Variants in BAHCC1 observed in about 807,000 individuals in gnomAD.
BAHCC1 encodes the protein BAH and coiled-coil domain-containing protein 1.
BAHCC1 carries 43 observed loss-of-function variants against 88.2 expected under a neutral mutation model. The observed-to-expected ratio is 0.49, with a 90% CI of 0.38 to 0.63. BAHCC1 has a LOEUF of 0.63. Ranked by LOEUF, BAHCC1 falls within the 20% of genes least tolerant of loss-of-function variation. The pLI is 0.00. For synonymous variants in BAHCC1, 1,510 were observed against 745.5 expected (o/e 2.03, Z -16.71); for missense variants, 3,023 against 1,654.8 (o/e 1.83, Z -14.34).
intron 2 of BAHCC1, among the ~76,000 whole-genome samples, chr17:81,421,253 C>A (rs572384444): frequency 2.0e-5 from 3 of 152,222 alleles, no homozygotes; most frequent in Admixed American, 1.3e-4. Context: ...TTGGCCCACA[C>A]GGTCTGGCCC....
At chr17:81,424,028 C>T (rs557660267) in intron 2 of BAHCC1, among the ~76,000 whole-genome samples, 151 of 152,328 alleles carry the variant, frequency 9.9e-4, no homozygotes, top group African/African-American at 3.5e-3. Flanking sequence ...CCAGCCCAGT[C>T]GGGGCCCAGC....
In BAHCC1 at chr17:81,461,000, A is replaced by G. The variant is rs1555659066; in HGVS notation, c.6337A>G (p.Ser2113Gly). 3 of 773,356 alleles carry G rather than the reference A, an allele frequency of 3.9e-6. No individual in the cohort carries two copies. The East Asian group carries it at 7.3e-5, about 19-fold the overall frequency. 47.9% of individuals were successfully genotyped at this position (773,356 alleles called of 1,614,324 possible). A position where few individuals can be genotyped will look rare whatever the true frequency, so the allele number is the denominator to read the frequency against. Residue 2113 changes from serine to glycine, a missense_variant, in exon 26 of 28, where the codon AGC (serine) becomes GGC (glycine). Ser to Gly is a moderately conservative substitution (Grantham distance 56). Coordinates refer to ENST00000675386, the MANE Select transcript of BAHCC1 (RefSeq NM_001377448.1). ...CAAGCGGAAGGCGGTGGCAGCGGCC[A>G]GCAAGGGGCCGGGGGTGCTGCAGAA... ...QTKRKAVAAA[S>G]KGPGVLQNLF...
In BAHCC1 at chr17:81,426,794, C is replaced by G. The variant is rs991744309; in HGVS notation, c.179-6C>G. On this transcript the variant is annotated splice_region_variant and splice_polypyrimidine_tract_variant and intron_variant, in intron 2 of 27. Coordinates refer to ENST00000675386, the MANE Select transcript of BAHCC1 (RefSeq NM_001377448.1). The stretch of plus-strand genomic sequence containing the variant: ...CCCCAGAGTCACTCTTGCCCTGTGT[C>G]CACAGCCAGCAGCCGCCTGATGGGA... 2 of 398,666 alleles carry G rather than the reference C, an allele frequency of 5.0e-6. No individual in the cohort carries two copies. The highest frequency in any genetic ancestry group is 4.1e-5 in the African/African-American group (2 of 48,532). 24.7% of individuals were successfully genotyped at this position (398,666 alleles called of 1,614,324 possible). A position where few individuals can be genotyped will look rare whatever the true frequency, so the allele number is the denominator to read the frequency against.
rs1254099931 is a variant in BAHCC1 at position 81,465,900 on chromosome 17, C to CTT, written c.*2084_*2085dup. On this transcript the variant is annotated 3_prime_UTR_variant, in exon 28 of 28. Coordinates refer to ENST00000675386, the MANE Select transcript of BAHCC1 (RefSeq NM_001377448.1). ...GGGGAGGTGGTTGGACGAGGTCCTG[C>CTT]TTGAGGCTCGGGGATCAGAACGATG... is the stretch of plus-strand genomic sequence containing the variant. The CTT allele has an allele frequency of 6.6e-6, 1 of 152,592 alleles. No individual in the cohort carries two copies. Among genetic ancestry groups the CTT allele is most frequent in the Non-Finnish European group, 1.5e-5 (1 of 68,062 alleles). 9.5% of individuals were successfully genotyped at this position (152,592 alleles called of 1,614,324 possible).
At chr17:81,432,000 G>A (rs909573089) in intron 3 of BAHCC1, among the ~76,000 whole-genome samples, 1 of 152,198 alleles carries the variant, frequency 6.6e-6, no homozygotes, top group African/African-American at 2.4e-5. Flanking sequence ...TATGTGCAGG[G>A]CAGGTGGGCA....
intron 2 of BAHCC1, among the ~76,000 whole-genome samples, chr17:81,424,408 C>T (rs1568006660): frequency 6.6e-6 from 1 of 152,208 alleles, no homozygotes; most frequent in Non-Finnish European, 1.5e-5. Context: ...CTGGGAGAGT[C>T]AGGGTGCTCT....
Position 81,452,100 on chromosome 17 carries a change from G to T in BAHCC1, c.4309G>T (p.Asp1437Tyr). 1.6e-6 allele frequency: 1 copy of T among 632,314 alleles called. No homozygotes were observed. The highest frequency in any genetic ancestry group is 2.8e-6 in the Non-Finnish European group (1 of 357,826). The allele number at this position is 632,314 out of a possible 1,614,324, so 39.2% of individuals were successfully genotyped here. Residue 1437 changes from aspartate (D) to tyrosine (Y), a missense_variant, in exon 13 of 28, where the codon GAC (aspartate) becomes TAC (tyrosine). Transcript: ENST00000675386. ...RELARLQRKHDHERDESSRSP... is the reference protein window; with the variant it reads ...RELARLQRKHYHERDESSRSP... ...GCTGGCCCGCCTGCAGCGCAAGCAC[G>T]ACCATGAGTACGCCTGGCGTGGCGG... is the stretch of plus-strand genomic sequence containing the variant.
Position 81,432,210 on chromosome 17 carries a change from G to A in BAHCC1, c.358+5231G>A, listed in dbSNP as rs907261269. On this transcript the variant is annotated intron_variant, in intron 3 of 27. Transcript: ENST00000675386. ...GCCTTGGTCACTGGGGATGGGGTGCGGCCTTCCTAGGCTGACATCCCTGGA... is the reference window on the plus strand; with the variant it reads ...GCCTTGGTCACTGGGGATGGGGTGCAGCCTTCCTAGGCTGACATCCCTGGA... Among the ~76,000 whole-genome samples, 1,208 of 152,232 alleles carry A rather than the reference G, an allele frequency of 7.9e-3. 5 individuals are homozygous for A. Among genetic ancestry groups the A allele is most frequent in the Non-Finnish European group, 0.012 (832 of 67,984 alleles).
rs782040571 is a variant in BAHCC1 at position 81,460,752 on chromosome 17, C to G, written c.6202+46C>G. On this transcript the variant is annotated intron_variant, in intron 25 of 27. Coordinates refer to ENST00000675386, the MANE Select transcript of BAHCC1 (RefSeq NM_001377448.1). ...GAATCCGGATCGGGGAAGGCACCCT[C>G]TGGGGGCTGGGGGAACCAGGAGGCC... is the stretch of plus-strand genomic sequence containing the variant. 2.4e-5 allele frequency: 19 copies of G among 776,230 alleles called. No homozygotes were observed. The East Asian group carries it at 4.6e-4, about 19-fold the overall frequency. The allele number at this position is 776,230 out of a possible 1,614,324, so 48.1% of individuals were successfully genotyped here. A position where few individuals can be genotyped will look rare whatever the true frequency, so the allele number is the denominator to read the frequency against.
chr17:81,415,585 TG>T, intron 2 of BAHCC1: 1 of 513,140 alleles, frequency 1.9e-6, no homozygotes, highest in Non-Finnish European at 3.9e-6. Flanking sequence ...AGCCCCTTCC[TG>T]GGATACTACA....
intron 20 of BAHCC1, 30 bp from the exon 21 acceptor site, chr17:81,459,024 G>T (rs935159119): frequency 2.2e-5 from 16 of 729,760 alleles, no homozygotes; most frequent in Admixed American, 7.6e-5. Context: ...TGGGTAGGCC[G>T]TGCCGGCCGC....
At chr17:81,432,547 A>AGGCCGACCCTCCCTCCCATCGCCG (rs2064273229) in intron 3 of BAHCC1, among the ~76,000 whole-genome samples, 1 of 33,282 alleles carries the variant, frequency 3.0e-5, no homozygotes, top group African/African-American at 1.2e-4. Flanking sequence ...ACCCATCACC[A>AGGCCGACCCTCCCTCCCATCGCCG]GGCCCACCCT....
Position 81,446,595 on chromosome 17 carries a change from C to T in BAHCC1, c.3164-441C>T, listed in dbSNP as rs571282123. The T allele has an allele frequency of 2.2e-3, 447 of 206,778 alleles. 2 individuals are homozygous for T. Among genetic ancestry groups the T allele is most frequent in the Non-Finnish European group, 3.1e-3 (339 of 108,326 alleles). The allele number at this position is 206,778 out of a possible 1,614,324, so 12.8% of individuals were successfully genotyped here. On this transcript the variant is annotated intron_variant, in intron 10 of 27. Transcript: ENST00000675386. The stretch of plus-strand genomic sequence containing the variant: ...AGGGTATCTCCCTATGTCGCCCAGT[C>T]TGGAGTGCAGTGACGCGAACATGGT...
At position 81,411,641 on chromosome 17, in the gene BAHCC1, G is replaced by A. The variant is rs2063956500; in HGVS notation, c.178+11724G>A. 2.5e-6 allele frequency: 1 copy of A among 399,806 alleles called. No homozygotes were observed. Among genetic ancestry groups the A allele is most frequent in the Admixed American group, 3.0e-5 (1 of 32,822 alleles). The allele number at this position is 399,806 out of a possible 1,614,324, so 24.8% of individuals were successfully genotyped here. ...GCTGGCCACCCGAAGAGGGTGTGGG[G>A]TGGTCAGGTTTGGGGCATTCCAGAC... On this transcript the variant is annotated intron_variant, in intron 2 of 27. Transcript: ENST00000675386. This position sits in a 1 kb window ranked among gnomAD's most constrained non-coding sequence, Gnocchi z 6.2.
At position 81,463,903 on chromosome 17, in the gene BAHCC1, C is replaced by A. The variant is rs2030520029; in HGVS notation, c.*86C>A. ...GGCCAAGCCACCGGGCAGGAGGCAG[C>A]CCCGGCCTCCCAAGGGCGCATCTGA... is the stretch of plus-strand genomic sequence containing the variant. On this transcript the variant is annotated 3_prime_UTR_variant, in exon 28 of 28. Coordinates refer to ENST00000675386, the MANE Select transcript of BAHCC1 (RefSeq NM_001377448.1). The A allele has an allele frequency of 1.5e-6, 1 of 682,234 alleles. No individual in the cohort carries two copies. The highest frequency in any genetic ancestry group is 2.7e-6 in the Non-Finnish European group (1 of 372,706). 42.3% of individuals were successfully genotyped at this position (682,234 alleles called of 1,614,324 possible).
Position 81,459,181 on chromosome 17 carries a change from C to T in BAHCC1, c.5720+13C>T, listed in dbSNP as rs536403434. On this transcript the variant is annotated intron_variant, in intron 21 of 27. Transcript: ENST00000675386. ...AGCCACCCGACATGTGAGGCCTGGG[C>T]ATGGTGGGGCAGGGCAGGGGCCTGG... 7.8e-6 allele frequency: 6 copies of T among 768,038 alleles called. No homozygotes were observed. Among genetic ancestry groups the T allele is most frequent in the Non-Finnish European group, 1.5e-5 (6 of 411,752 alleles). 47.6% of individuals were successfully genotyped at this position (768,038 alleles called of 1,614,324 possible). A position where few individuals can be genotyped will look rare whatever the true frequency, so the allele number is the denominator to read the frequency against.
At chr17:81,428,084 G>A (rs2064221222) in intron 3 of BAHCC1, among the ~76,000 whole-genome samples, 2 of 152,194 alleles carry the variant, frequency 1.3e-5, no homozygotes, top group East Asian at 3.9e-4. Flanking sequence ...GTGCAGGGGA[G>A]GCCGCTACCT....
rs1204725034 is a variant in BAHCC1, at chr17:81,446,863, C to T, written c.3164-173C>T. ...CTACTGCACCCAGCCAGGTTGCCCC[C>T]TTAATTAACGTAACCCTTTCCCCGC... On this transcript the variant is annotated intron_variant, in intron 10 of 27. Transcript: ENST00000675386. The T allele has an allele frequency of 1.0e-5, 7 of 669,292 alleles. No homozygotes were observed. The African/African-American group carries it at 1.1e-4, about 10-fold the overall frequency. The allele number at this position is 669,292 out of a possible 1,614,324, so 41.5% of individuals were successfully genotyped here.
In BAHCC1 at chr17:81,455,399, C is replaced by G. The variant is rs373937261; in HGVS notation, c.4569+9C>G. 1 of 714,930 alleles carries G rather than the reference C, an allele frequency of 1.4e-6. No individual in the cohort carries two copies. Among genetic ancestry groups the G allele is most frequent in the Non-Finnish European group, 2.6e-6 (1 of 384,772 alleles). 44.3% of individuals were successfully genotyped at this position (714,930 alleles called of 1,614,324 possible). A position where few individuals can be genotyped will look rare whatever the true frequency, so the allele number is the denominator to read the frequency against. On this transcript the variant is annotated intron_variant, in intron 15 of 27. Transcript: ENST00000675386. ...TGCAGACTGCCTCCGTGGTGAGTGC[C>G]GAGGCGCCCGCCTTGCCCCAGGGCC...
Sources: gnomAD v4.1 joint callset for allele counts (sites outside exome capture counted in the v4.1 genomes callset) on GRCh38, gnomAD v4.1.1 for gene constraint, Gnocchi (gnomAD v3.1) non-coding constraint, MANE v1.5 for transcripts, NCBI Gene and HGNC (gene_info 2026-07-23, HGNC 2026-07-21) for gene names.